CTNNA2: variants seen among roughly 807,000 people sequenced by gnomAD.
CTNNA2 encodes catenin alpha 2.
A neutral mutation model predicts 101.0 loss-of-function variants in CTNNA2; 42 were observed. The ratio of observed to expected loss-of-function variants is 0.42; its 90% CI spans 0.32 to 0.54. The LOEUF (loss-of-function observed/expected upper bound fraction) is 0.54, where lower values mean the gene tolerates loss of function less well. CTNNA2 is among the 20% of genes least tolerant of loss of function. The pLI, the probability that CTNNA2 is intolerant of heterozygous loss-of-function variation, is 0.14. For synonymous variants in CTNNA2, 450 were observed against 456.4 expected (o/e 0.99, Z 0.18); for missense variants, 871 against 1,223.1 (o/e 0.71, Z 4.29).
At chr2:79,275,582 T>C (rs1390719078) in intron 2 of CTNNA2, among the ~76,000 whole-genome samples, 3 of 152,056 alleles carry the variant, frequency 2.0e-5, no homozygotes, top group Non-Finnish European at 4.4e-5. Context: ...AAAAAAATAG[T>C]AATCTCTAAA....
At chr2:79,898,280 C>G (rs558134830) in intron 6 of CTNNA2, among the ~76,000 whole-genome samples, 2 of 152,006 alleles carry the variant, frequency 1.3e-5, no homozygotes, top group Admixed American at 1.3e-4. Context: ...ATTATAGGTG[C>G]CCGCCACCAT....
At chr2:79,722,429 A>G (rs1272302570) in intron 2 of CTNNA2, among the ~76,000 whole-genome samples, 1 of 152,142 alleles carries the variant, frequency 6.6e-6, no homozygotes, top group East Asian at 1.9e-4. Context: ...GTTAACATGA[A>G]CAGGTGATTA....
chr2:79,728,224 T>A (rs973848152), intron 2 of CTNNA2, among the ~76,000 whole-genome samples: 120 of 152,162 alleles, frequency 7.9e-4, no homozygotes, highest in African/African-American at 2.7e-3. Flanking sequence ...TTTCTCCACA[T>A]CCTCTCCAGC....
chr2:80,160,366 T>C (rs1009635842), intron 7 of CTNNA2, among the ~76,000 whole-genome samples: 3 of 152,324 alleles, frequency 2.0e-5, no homozygotes, highest in Non-Finnish European at 4.4e-5. Flanking sequence ...AGAAATCGTG[T>C]TAACCTGTAT....
chr2:79,487,253 T>C (rs954207422), intron 4 of CTNNA2, among the ~76,000 whole-genome samples: 5 of 1,054 alleles, frequency 4.7e-3, no homozygotes, highest in African/African-American at 0.017. Flanking sequence ...TTCTATACGT[T>C]GCAAAAAACT....
intron 3 of CTNNA2, among the ~76,000 whole-genome samples, chr2:79,317,671 T>C (rs1295548828): frequency 6.6e-6 from 1 of 152,112 alleles, no homozygotes; most frequent in African/African-American, 2.4e-5. Flanking sequence ...ATATCCCTTA[T>C]TTCATATATT....
At chr2:80,452,510 A>C (rs1683604424) in intron 9 of CTNNA2, among the ~76,000 whole-genome samples, 1 of 151,508 alleles carries the variant, frequency 6.6e-6, no homozygotes, top group Non-Finnish European at 1.5e-5. Flanking sequence ...CTGATTGCCA[A>C]AATGGGAGAG....
chr2:80,363,628 T>C (rs1277126813), intron 7 of CTNNA2, among the ~76,000 whole-genome samples: 2 of 152,144 alleles, frequency 1.3e-5, no homozygotes, highest in African/African-American at 4.8e-5. Flanking sequence ...GTACTTAGAA[T>C]TGAGTCCTGC....
At chr2:79,779,692 A>G (rs1674277779) in intron 3 of CTNNA2, among the ~76,000 whole-genome samples, 1 of 152,266 alleles carries the variant, frequency 6.6e-6, no homozygotes, top group Non-Finnish European at 1.5e-5. Context: ...ATGACCCTGG[A>G]TGTATTATCC....
chr2:79,268,265 A>G (rs185749389), intron 2 of CTNNA2, among the ~76,000 whole-genome samples: 1 of 152,236 alleles, frequency 6.6e-6, no homozygotes, highest in Non-Finnish European at 1.5e-5. Context: ...GATCAGAATA[A>G]CAGAGAGGAA....
At chr2:79,210,626 C>A (rs1455959731) in intron 2 of CTNNA2, among the ~76,000 whole-genome samples, 4 of 152,114 alleles carry the variant, frequency 2.6e-5, no homozygotes, top group African/African-American at 9.7e-5. Context: ...TATTTGGTTT[C>A]TGTGACAGTA....
intron 7 of CTNNA2, among the ~76,000 whole-genome samples, chr2:80,266,638 A>C (rs13427964): frequency 0.097 from 14,715 of 152,300 alleles, 1,561 homozygotes; most frequent in African/African-American, 0.26. Context: ...ATGGATAAAG[A>C]GTAATTGATG....
intron 3 of CTNNA2, among the ~76,000 whole-genome samples, chr2:79,371,339 G>A (rs572536776): frequency 2.0e-5 from 3 of 151,954 alleles, no homozygotes; most frequent in South Asian, 2.1e-4. Context: ...CAAATGCACC[G>A]CAGGGACACA....
intron 7 of CTNNA2, among the ~76,000 whole-genome samples, chr2:80,098,902 G>C (rs981246122): frequency 6.6e-6 from 1 of 152,084 alleles, no homozygotes; most frequent in Non-Finnish European, 1.5e-5. Flanking sequence ...GATGCCATCT[G>C]TCACCCCTTT....
intron 7 of CTNNA2, among the ~76,000 whole-genome samples, chr2:80,011,053 G>T (rs186310368): frequency 1.1e-4 from 16 of 152,108 alleles, no homozygotes; most frequent in African/African-American, 3.6e-4. Flanking sequence ...TTCACTGCCT[G>T]TCACAAGGGA....
At chr2:79,528,980 G>T (rs1049324813) in intron 1 of CTNNA2, among the ~76,000 whole-genome samples, 1 of 152,158 alleles carries the variant, frequency 6.6e-6, no homozygotes, top group African/African-American at 2.4e-5. Context: ...GGAAGTTATA[G>T]GTAGCAGTGA....
intron 18 of CTNNA2, among the ~76,000 whole-genome samples, chr2:80,634,489 G>C (rs558346802): frequency 3.9e-5 from 6 of 152,234 alleles, no homozygotes; most frequent in African/African-American, 1.2e-4. Flanking sequence ...GAGTTAATGA[G>C]AGCAAAATCA....
chr2:79,547,257 G>A (rs529542198), intron 1 of CTNNA2: 3 of 152,124 alleles, frequency 2.0e-5, no homozygotes, highest in South Asian at 4.1e-4. Flanking sequence ...GCTTCATCTG[G>A]TACCTAATAA....
intron 7 of CTNNA2, among the ~76,000 whole-genome samples, chr2:80,218,298 G>A (rs1708386766): frequency 6.6e-6 from 1 of 152,246 alleles, no homozygotes; most frequent in African/African-American, 2.4e-5. Context: ...AAGAGGCTGA[G>A]GGGGCAGAGA....
Sources: allele counts gnomAD v4.1 joint callset (sites outside exome capture counted in the v4.1 genomes callset), GRCh38; gene constraint gnomAD v4.1.1; transcripts MANE v1.5; gene names NCBI Gene and HGNC (gene_info 2026-07-23, HGNC 2026-07-21).